Variants in PTPRS observed in about 807,000 individuals in gnomAD.
PTPRS encodes protein tyrosine phosphatase receptor type S.
A neutral mutation model predicts 215.3 loss-of-function variants in PTPRS; 63 were observed. The ratio of observed to expected loss-of-function variants is 0.29; its 90% CI spans 0.24 to 0.36. The LOEUF (loss-of-function observed/expected upper bound fraction) is 0.36. PTPRS is among the 10% of genes least tolerant of loss of function. PTPRS has a pLI of 1.00. For missense variants in PTPRS, 2,258 were observed against 2,825.8 expected (o/e 0.80, Z 4.56); for synonymous variants, 1,404 against 1,191.4 (o/e 1.18, Z -3.68).
intron 1 of PTPRS, among the ~76,000 whole-genome samples, chr19:5,314,388 T>C (rs143843181): frequency 7.9e-5 from 12 of 152,184 alleles, no homozygotes; most frequent in African/African-American, 2.9e-4. Flanking sequence ...TGGCTCAATC[T>C]CTCTGGATCT....
At position 5,257,898 on chromosome 19, in the gene PTPRS, A is replaced by C; in HGVS notation, c.706+119T>G. 3.8e-6 allele frequency: 3 copies of C among 791,322 alleles called. No individual in the cohort carries two copies. The highest frequency in any genetic ancestry group is 2.6e-5 in the East Asian group (1 of 39,096). 49.0% of individuals were successfully genotyped at this position (791,322 alleles called of 1,614,324 possible). A position where few individuals can be genotyped will look rare whatever the true frequency, so the allele number is the denominator to read the frequency against. ...GGCCAAGGTCCCACCGCGACCGGGG[A>C]GGGGCCTTCCTGCTTGGGTGTGCAG... On this transcript the variant is annotated intron_variant, in intron 8 of 37. Transcript: ENST00000262963. This position sits in a 1 kb window ranked among gnomAD's most constrained non-coding sequence, Gnocchi z 4.4.
At chr19:5,270,023 T>G (rs965632626) in intron 4 of PTPRS, among the ~76,000 whole-genome samples, 6 of 152,020 alleles carry the variant, frequency 3.9e-5, no homozygotes, top group African/African-American at 1.5e-4. Flanking sequence ...CTTGTCCTTT[T>G]AATACCCTGA....
At chr19:5,308,902 C>T (rs1211249670) in intron 1 of PTPRS, among the ~76,000 whole-genome samples, 1 of 152,158 alleles carries the variant, frequency 6.6e-6, no homozygotes, top group Non-Finnish European at 1.5e-5. Context: ...TAATTTTGCT[C>T]GCTCCCTCCC....
intron 4 of PTPRS, among the ~76,000 whole-genome samples, chr19:5,268,716 G>A (rs974259700): frequency 6.6e-6 from 1 of 152,200 alleles, no homozygotes; most frequent in Non-Finnish European, 1.5e-5. Context: ...CGGAACCTGT[G>A]ATCTCCTCCA....
chr19:5,218,741 C>A (rs577943864), intron 24 of PTPRS, 46 bp downstream of exon 24: 1 of 1,607,220 alleles, frequency 6.2e-7, no homozygotes, highest in African/African-American at 1.3e-5. Flanking sequence ...ATTCCCTGTC[C>A]TCTTCCTCTT....
chr19:5,241,642 G>A (rs947177629), intron 11 of PTPRS, among the ~76,000 whole-genome samples: 12 of 151,902 alleles, frequency 7.9e-5, no homozygotes, highest in African/African-American at 2.9e-4. Context: ...GACATGGACA[G>A]AGTGCCAACC....
intron 1 of PTPRS, among the ~76,000 whole-genome samples, chr19:5,336,272 G>T (rs2050499464): frequency 1.5e-5 from 2 of 132,900 alleles, no homozygotes; most frequent in South Asian, 3.1e-4. Context: ...AAGGGGGGGG[G>T]GCGGGGGGGA....
Position 5,293,624 on chromosome 19 carries a change from CA to C in PTPRS, c.-94-7391del, listed in dbSNP as rs1467640793. 6.6e-6 allele frequency among the ~76,000 whole-genome samples: 1 copy of C among 152,078 alleles called. No individual in the cohort carries two copies. The highest frequency in any genetic ancestry group is 6.5e-5 in the Admixed American group (1 of 15,284). On this transcript the variant is annotated intron_variant, in intron 1 of 37. Coordinates refer to ENST00000262963, the MANE Select transcript of PTPRS (RefSeq NM_002850.4). This position sits in a 1 kb window ranked among gnomAD's most constrained non-coding sequence, Gnocchi z 8.4. ...CCGGACAGGGCGGCGGAGGGCTCCCCAAACACACCCAACTACAGGAGGTCGG... is the reference window on the plus strand; with the variant it reads ...CCGGACAGGGCGGCGGAGGGCTCCCCAACACACCCAACTACAGGAGGTCGG...
chr19:5,218,512 G>A lies in PTPRS; in HGVS notation c.3956C>T (p.Pro1319Leu), dbSNP rs762505033. 1 of 1,614,134 alleles carries A rather than the reference G, an allele frequency of 6.2e-7. No homozygotes were observed. The highest frequency in any genetic ancestry group is 8.5e-7 in the Non-Finnish European group (1 of 1,180,028). ...ATTGTTCAGGAGGCATTTGGTGCGGGGTTCTGAGTCCTTGCGTTTACTTTA... is the reference window on the plus strand; with the variant it reads ...ATTGTTCAGGAGGCATTTGGTGCGGAGTTCTGAGTCCTTGCGTTTACTTTA... ...KPDSKRKDSE[P>L]RTKCLLNNAD... The change falls in exon 25 of 38, where the codon CCC becomes CTC. Residue 1319 changes from proline (P) to leucine (L), a missense_variant. Around this residue, in one of 6 missense-constraint regions of PTPRS, gnomAD observed 927 missense variants for 1,125.9 expected, o/e 0.82. Transcript: ENST00000262963.
intron 1 of PTPRS, among the ~76,000 whole-genome samples, chr19:5,298,086 G>C (rs565199243): frequency 6.6e-6 from 1 of 152,204 alleles, no homozygotes; most frequent in East Asian, 1.9e-4. Context: ...GAGCCACAGC[G>C]CCCGGCCTCC....
chr19:5,335,315 T>C (rs2050459910), intron 1 of PTPRS, among the ~76,000 whole-genome samples: 1 of 152,226 alleles, frequency 6.6e-6, no homozygotes, highest in Non-Finnish European at 1.5e-5. Context: ...CGACGCAGAC[T>C]GCGACTGTAC....
chr19:5,314,989 C>T (rs938523562), intron 1 of PTPRS, among the ~76,000 whole-genome samples: 2 of 152,190 alleles, frequency 1.3e-5, no homozygotes, highest in Non-Finnish European at 2.9e-5. Flanking sequence ...ATTTAGCGAG[C>T]ACCTACTATG....
rs1169727369 is a variant in PTPRS, at chr19:5,304,381, G to A, written c.-94-18147C>T. ...TGTAATCCCAGCTACTTGGGAAGCT[G>A]AGGCAGGAGGATCGCTTGAATCCAG... On this transcript the variant is annotated intron_variant, in intron 1 of 37. Transcript: ENST00000262963. 7.9e-5 allele frequency among the ~76,000 whole-genome samples: 12 copies of A among 152,238 alleles called. No individual in the cohort carries two copies. In the East Asian group the frequency reaches 2.3e-3, roughly 29 times the overall value.
chr19:5,263,594 G>C (rs1356196289), intron 5 of PTPRS, among the ~76,000 whole-genome samples: 1 of 152,220 alleles, frequency 6.6e-6, no homozygotes, highest in Non-Finnish European at 1.5e-5. Flanking sequence ...CTGAACGAAG[G>C]CAGGGCGTCA....
In PTPRS at chr19:5,214,369, G is replaced by A. The variant is rs752636724; in HGVS notation, c.4606C>T (p.Leu1536=). 1.2e-6 allele frequency: 2 copies of A among 1,614,088 alleles called. No individual in the cohort carries two copies. The highest frequency in any genetic ancestry group is 1.1e-5 in the South Asian group (1 of 91,086). ...LATFCVRTFS[L]HKNGSSEKRE... The stretch of plus-strand genomic sequence containing the variant: ...CCCAGCCTGGGCCCCACCTTGTGCA[G>A]AGAGAATGTCCTGACGCAGAATGTG... The change falls in exon 30 of 38, where the codon CTG becomes TTG. Residue 1536 remains leucine, a synonymous_variant. Coordinates refer to ENST00000262963, the MANE Select transcript of PTPRS (RefSeq NM_002850.4).
At chr19:5,288,009 C>CACAA (rs2048508414) in intron 1 of PTPRS, among the ~76,000 whole-genome samples, 1 of 127,312 alleles carries the variant, frequency 7.9e-6, no homozygotes, top group Admixed American at 7.8e-5. Flanking sequence ...CACACACACA[C>CACAA]AATCAGGCAA....
chr19:5,286,212 C>A lies in PTPRS; in HGVS notation c.-72G>T. ...CGGTCCCTCACAGAGAGGCCTCGAG[C>A]CGAGCGTCAGATGGGGCAACGTCTG... is the stretch of plus-strand genomic sequence containing the variant. On this transcript the variant is annotated 5_prime_UTR_variant, in exon 2 of 38. Coordinates refer to ENST00000262963, the MANE Select transcript of PTPRS (RefSeq NM_002850.4). 6.4e-7 allele frequency: 1 copy of A among 1,550,584 alleles called. No homozygotes were observed. Among genetic ancestry groups the A allele is most frequent in the Non-Finnish European group, 8.8e-7 (1 of 1,138,552 alleles).
At chr19:5,211,110 G>C (rs758762552) in intron 33 of PTPRS, among the ~76,000 whole-genome samples, 1 of 152,164 alleles carries the variant, frequency 6.6e-6, no homozygotes, top group Non-Finnish European at 1.5e-5. Context: ...AGTTGCTTGC[G>C]TGGGCCAAGC....
intron 2 of PTPRS, among the ~76,000 whole-genome samples, chr19:5,279,571 A>G (rs573023463): frequency 2.0e-5 from 3 of 152,074 alleles, no homozygotes; most frequent in African/African-American, 7.2e-5. Flanking sequence ...GGGTCTCGCT[A>G]TGTTTCCCAG....
Sources: gnomAD v4.1 joint callset for allele counts (sites outside exome capture counted in the v4.1 genomes callset) on GRCh38, gnomAD v4.1.1 for gene constraint, gnomAD v4.1.1 regional missense constraint, Gnocchi (gnomAD v3.1) non-coding constraint, MANE v1.5 for transcripts, NCBI Gene and HGNC (gene_info 2026-07-23, HGNC 2026-07-21) for gene names.